Variants in JPH1 observed in about 807,000 individuals in gnomAD.
JPH1 encodes junctophilin-1.
In JPH1, 12 loss-of-function variants were observed where a neutral mutation model predicts 53.6. The observed-to-expected ratio is 0.22, with a 90% CI of 0.14 to 0.36. The LOEUF (loss-of-function observed/expected upper bound fraction) is 0.36. Among genes scored for constraint, JPH1 ranks in the 10% least tolerant of loss-of-function variants. The pLI is 1.00. For missense variants in JPH1, 808 were observed against 905.5 expected (o/e 0.89, Z 1.38); for synonymous variants, 375 against 363.8 (o/e 1.03, Z -0.35).
chr8:74,311,502 T>C (rs2131460549), intron 2 of JPH1, among the ~76,000 whole-genome samples: 1 of 150,194 alleles, frequency 6.7e-6, no homozygotes, highest in Non-Finnish European at 1.5e-5. Context: ...TTTCTTATTT[T>C]TAAGGCTTTT....
chr8:74,291,243 G>A (rs1039286287), intron 2 of JPH1, among the ~76,000 whole-genome samples: 1 of 152,154 alleles, frequency 6.6e-6, no homozygotes, highest in African/African-American at 2.4e-5. Context: ...TTGACAAAGG[G>A]CTAATATCCA....
Position 74,312,238 on chromosome 8 carries a change from C to T in JPH1, c.1139+2623G>A, listed in dbSNP as rs539608630. On this transcript the variant is annotated intron_variant, in intron 2 of 5. Transcript: ENST00000342232. ...GTAAGAACACTTAACATGAGACCTACCTTCTTAACAAATTCTTTTTTTGTT... is the reference window on the plus strand; with the variant it reads ...GTAAGAACACTTAACATGAGACCTATCTTCTTAACAAATTCTTTTTTTGTT... Among the ~76,000 whole-genome samples, 175 of 151,554 alleles carry T rather than the reference C, an allele frequency of 1.2e-3. 1 individual carries two copies. The highest frequency in any genetic ancestry group is 2.3e-3 in the South Asian group (11 of 4,816).
At chr8:74,263,062 A>G (rs1479120097) in intron 2 of JPH1, among the ~76,000 whole-genome samples, 3 of 152,220 alleles carry the variant, frequency 2.0e-5, no homozygotes, top group African/African-American at 7.2e-5. Flanking sequence ...TAAGGCTTTA[A>G]CAAAAAGCAT....
At chr8:74,308,436 A>T (rs1207660376) in intron 2 of JPH1, among the ~76,000 whole-genome samples, 1 of 152,230 alleles carries the variant, frequency 6.6e-6, no homozygotes, top group Non-Finnish European at 1.5e-5. Flanking sequence ...TATGAGAGCT[A>T]AGTTTCCATC....
chr8:74,304,412 G>A (rs2131450933), intron 2 of JPH1, among the ~76,000 whole-genome samples: 1 of 152,340 alleles, frequency 6.6e-6, no homozygotes, highest in East Asian at 1.9e-4. Flanking sequence ...ATTTGGCTGA[G>A]CAGGAAGCGG....
intron 2 of JPH1, among the ~76,000 whole-genome samples, chr8:74,272,713 C>T (rs1806738946): frequency 6.6e-6 from 1 of 151,598 alleles, no homozygotes; most frequent in South Asian, 2.1e-4. Flanking sequence ...ACGCCATTCT[C>T]CTGCCTCAGC....
At chr8:74,248,849 G>A (rs1265721193) in intron 3 of JPH1, among the ~76,000 whole-genome samples, 1 of 152,224 alleles carries the variant, frequency 6.6e-6, no homozygotes, top group African/African-American at 2.4e-5. Context: ...ATGAGATGCA[G>A]CGGTTCATTA....
At chr8:74,253,412 T>C (rs1806124965) in intron 3 of JPH1, among the ~76,000 whole-genome samples, 3 of 152,118 alleles carry the variant, frequency 2.0e-5, no homozygotes, top group Admixed American at 1.3e-4. Flanking sequence ...GGGAAATTTA[T>C]AGCACTAAAT....
intron 2 of JPH1, among the ~76,000 whole-genome samples, chr8:74,270,137 A>G (rs1226271730): frequency 1.3e-5 from 2 of 152,184 alleles, no homozygotes; most frequent in African/African-American, 2.4e-5. Flanking sequence ...GAAAGAACAC[A>G]GTTTAGGAAA....
chr8:74,269,982 T>A (rs530178110), intron 2 of JPH1, among the ~76,000 whole-genome samples: 1 of 152,388 alleles, frequency 6.6e-6, no homozygotes, highest in Non-Finnish European at 1.5e-5. Context: ...ATTCATGCTT[T>A]CTCTGTGAAT....
At chr8:74,238,385 G>A (rs956253074) in intron 4 of JPH1, among the ~76,000 whole-genome samples, 1 of 152,172 alleles carries the variant, frequency 6.6e-6, no homozygotes, top group Non-Finnish European at 1.5e-5. Flanking sequence ...ATTGACTCAA[G>A]AAGGTCTCTT....
At chr8:74,312,575 C>T (rs1190482004) in intron 2 of JPH1, among the ~76,000 whole-genome samples, 1 of 152,134 alleles carries the variant, frequency 6.6e-6, no homozygotes, top group African/African-American at 2.4e-5. Flanking sequence ...ATGCAAAATG[C>T]AGTATTGTTA....
intron 3 of JPH1, among the ~76,000 whole-genome samples, chr8:74,253,092 C>T (rs1174726618): frequency 3.3e-5 from 5 of 152,068 alleles, no homozygotes; most frequent in African/African-American, 7.3e-5. Context: ...AATATACATT[C>T]TTTTCAGCAT....
intron 3 of JPH1, among the ~76,000 whole-genome samples, chr8:74,256,653 G>T (rs185689884): frequency 1.5e-4 from 23 of 152,058 alleles, no homozygotes; most frequent in Admixed American, 1.3e-3. Context: ...AAAGACACAT[G>T]GAAAAAAGCT....
chr8:74,292,840 T>C (rs975637120), intron 2 of JPH1, among the ~76,000 whole-genome samples: 6 of 152,182 alleles, frequency 3.9e-5, no homozygotes, highest in African/African-American at 1.4e-4. Context: ...AAGTCCTGTT[T>C]AGCAAGGCAA....
At chr8:74,302,062 T>A (rs757371401) in intron 2 of JPH1, among the ~76,000 whole-genome samples, 13 of 152,312 alleles carry the variant, frequency 8.5e-5, no homozygotes, top group Middle Eastern at 3.4e-3. Flanking sequence ...AGGGTTGCCA[T>A]GGGGATGAGA....
chr8:74,258,422 C>A (rs1806299238), intron 3 of JPH1, among the ~76,000 whole-genome samples: 1 of 152,092 alleles, frequency 6.6e-6, no homozygotes, highest in Non-Finnish European at 1.5e-5. Context: ...TAGGAAACTA[C>A]TAGAAAGTGA....
rs1808119013 is a variant in JPH1, at chr8:74,315,393, G to A, written c.607C>T (p.Leu203=). The A allele has an allele frequency of 6.8e-6, 11 of 1,612,424 alleles. No individual in the cohort carries two copies. Among genetic ancestry groups the A allele is most frequent in the Non-Finnish European group, 8.5e-6 (10 of 1,179,946 alleles). The change falls in exon 2 of 6, where the codon CTA becomes TTA. Residue 203 remains leucine, a synonymous_variant. Coordinates refer to ENST00000342232, the MANE Select transcript of JPH1 (RefSeq NM_020647.4). The surrounding 1 kb of genome is among the most constrained non-coding windows in gnomAD (Gnocchi z 6.3). The part of the protein sequence containing the change: ...FVLNFHADAE[L]AGKKKGGLFR... ...AGGCCGCCCTTCTTCTTGCCCGCTA[G>A]CTCAGCGTCTGCGTGGAAGTTGAGC... is the stretch of plus-strand genomic sequence containing the variant.
At chr8:74,317,894 T>C (rs13261156) in intron 1 of JPH1, among the ~76,000 whole-genome samples, 4,964 of 152,236 alleles carry the variant, frequency 0.033, 109 homozygotes, top group East Asian at 0.079. Flanking sequence ...CCAAGCTGTT[T>C]AAGGCAACAG....
Sources: gnomAD v4.1 joint callset for allele counts (sites outside exome capture counted in the v4.1 genomes callset) on GRCh38, gnomAD v4.1.1 for gene constraint, Gnocchi (gnomAD v3.1) non-coding constraint, MANE v1.5 for transcripts, NCBI Gene and HGNC (gene_info 2026-07-23, HGNC 2026-07-21) for gene names.